Variants in GALNT18 observed in about 807,000 individuals in gnomAD.
GALNT18 encodes polypeptide N-acetylgalactosaminyltransferase 18.
Under a neutral mutation model 69.5 loss-of-function variants are expected in GALNT18, and 44 were observed. The ratio of observed to expected loss-of-function variants is 0.63; its 90% CI spans 0.50 to 0.81. The LOEUF is 0.81. GALNT18 is among the 40% of genes least tolerant of loss of function. GALNT18 has a pLI of 0.00. For missense variants in GALNT18, 715 were observed against 810.0 expected (o/e 0.88, Z 1.42); for synonymous variants, 364 against 318.2 (o/e 1.14, Z -1.53).
At chr11:11,491,677 T>C (rs1262445130) in intron 1 of GALNT18, among the ~76,000 whole-genome samples, 1 of 152,206 alleles carries the variant, frequency 6.6e-6, no homozygotes, top group East Asian at 1.9e-4. Context: ...CATTTAATCA[T>C]TCAACACAAT....
chr11:11,307,957 A>G (rs938211007), intron 9 of GALNT18, among the ~76,000 whole-genome samples: 4 of 152,238 alleles, frequency 2.6e-5, no homozygotes, highest in African/African-American at 7.2e-5. Context: ...TGAGCACAAA[A>G]GCTGGGGGCC....
intron 1 of GALNT18, among the ~76,000 whole-genome samples, chr11:11,479,121 C>A (rs1458473359): frequency 6.6e-6 from 1 of 152,210 alleles, no homozygotes; most frequent in Non-Finnish European, 1.5e-5. Flanking sequence ...GCCTTGACTG[C>A]CTCTGTTTGG....
At chr11:11,420,902 C>T (rs1404582722) in intron 3 of GALNT18, among the ~76,000 whole-genome samples, 1 of 152,106 alleles carries the variant, frequency 6.6e-6, no homozygotes, top group Non-Finnish European at 1.5e-5. Context: ...ACACAGCTGA[C>T]CAGGGGAAGA....
At chr11:11,285,496 G>A (rs531558482) in intron 10 of GALNT18, among the ~76,000 whole-genome samples, 7 of 152,214 alleles carry the variant, frequency 4.6e-5, no homozygotes, top group South Asian at 2.1e-4. Context: ...ACCTAGTCCC[G>A]GTCCCTGATA....
At chr11:11,419,596 C>CAAAAAAAAAAAAAAAAAA (rs58012512) in intron 3 of GALNT18, among the ~76,000 whole-genome samples, 1 of 26,618 alleles carries the variant, frequency 3.8e-5, no homozygotes, top group African/African-American at 9.9e-5. Flanking sequence ...GATCCTGTCT[C>CAAAAAAAAAAAAAAAAAA]AAAAAAAAAA....
chr11:11,361,014 G>T (rs1850633473), intron 6 of GALNT18, among the ~76,000 whole-genome samples: 1 of 152,190 alleles, frequency 6.6e-6, no homozygotes, highest in African/African-American at 2.4e-5. Context: ...TTCTGTTTAA[G>T]CTCATGACTT....
intron 9 of GALNT18, among the ~76,000 whole-genome samples, chr11:11,325,450 A>G (rs1046075818): frequency 4.6e-5 from 7 of 152,170 alleles, no homozygotes; most frequent in South Asian, 2.1e-4. Context: ...AATTTCAGCA[A>G]TCACCACTAA....
intron 9 of GALNT18, among the ~76,000 whole-genome samples, chr11:11,294,384 G>A (rs977346294): frequency 6.6e-6 from 1 of 152,164 alleles, no homozygotes; most frequent in African/African-American, 2.4e-5. Context: ...GAAGGAAAGT[G>A]GGTGGTAAAC....
intron 5 of GALNT18, among the ~76,000 whole-genome samples, chr11:11,373,156 G>A (rs1263618359): frequency 2.0e-5 from 3 of 150,224 alleles, no homozygotes; most frequent in African/African-American, 7.3e-5. Flanking sequence ...AAGCAGGACA[G>A]TGATGTCAGC....
At chr11:11,275,076 G>C (rs1339060531) in intron 10 of GALNT18, among the ~76,000 whole-genome samples, 2 of 152,176 alleles carry the variant, frequency 1.3e-5, no homozygotes, top group Non-Finnish European at 2.9e-5. Flanking sequence ...GGGACCGCTA[G>C]GTCAAATAGT....
At chr11:11,615,425 T>C (rs1860020641) in intron 1 of GALNT18, among the ~76,000 whole-genome samples, 1 of 152,228 alleles carries the variant, frequency 6.6e-6, no homozygotes, top group African/African-American at 2.4e-5. Flanking sequence ...ATTGTTGGGA[T>C]GATCTTGACT....
At position 11,604,978 on chromosome 11, in the gene GALNT18, A is replaced by T. The variant is rs944114678; in HGVS notation, c.235+16381T>A. 4.6e-5 allele frequency among the ~76,000 whole-genome samples: 7 copies of T among 152,202 alleles called. No individual in the cohort carries two copies. The highest frequency in any genetic ancestry group is 1.3e-4 in the Admixed American group (2 of 15,282). On this transcript the variant is annotated intron_variant, in intron 1 of 10. Transcript: ENST00000227756. The surrounding 1 kb of genome is among the most constrained non-coding windows in gnomAD (Gnocchi z 5.6). ...AAAAAGAATGGAATAGTCCTTTTTA[A>T]ATGACATTTTCAATTTTTCCCCTAT...
At position 11,601,129 on chromosome 11, in the gene GALNT18, C is replaced by A. The variant is rs993383584; in HGVS notation, c.235+20230G>T. On this transcript the variant is annotated intron_variant, in intron 1 of 10. Coordinates refer to ENST00000227756, the MANE Select transcript of GALNT18 (RefSeq NM_198516.3). This position sits in a 1 kb window ranked among gnomAD's most constrained non-coding sequence, Gnocchi z 4.0. ...TTTGCTGTCTTTTTCTGGTAAGTCT[C>A]ACATCCAGGTCCCCTGAAAGACAAT... Among the ~76,000 whole-genome samples the A allele has an allele frequency of 1.3e-5, 2 of 152,160 alleles. No individual in the cohort carries two copies. The highest frequency in any genetic ancestry group is 2.9e-5 in the Non-Finnish European group (2 of 68,018).
intron 1 of GALNT18, among the ~76,000 whole-genome samples, chr11:11,556,180 T>C (rs1368455368): frequency 6.6e-6 from 1 of 152,128 alleles, no homozygotes; most frequent in Admixed American, 6.5e-5. Flanking sequence ...TCCCACTACG[T>C]GAAGTTGGGA....
chr11:11,400,546 A>G (rs974528061), intron 3 of GALNT18, among the ~76,000 whole-genome samples: 3 of 152,202 alleles, frequency 2.0e-5, no homozygotes, highest in African/African-American at 7.2e-5. Context: ...TAAGAACAAC[A>G]GAAATTTATT....
intron 1 of GALNT18, among the ~76,000 whole-genome samples, chr11:11,515,058 C>T (rs529215166): frequency 3.3e-4 from 50 of 152,274 alleles, no homozygotes; most frequent in African/African-American, 1.1e-3. Context: ...ATCCAGAGCC[C>T]GCATTCAAGT....
chr11:11,303,624 A>G (rs1405595071), intron 9 of GALNT18, among the ~76,000 whole-genome samples: 1 of 151,848 alleles, frequency 6.6e-6, no homozygotes, highest in Non-Finnish European at 1.5e-5. Flanking sequence ...AGTGGGGCTC[A>G]TACACACCAG....
At position 11,480,224 on chromosome 11, in the gene GALNT18, C is replaced by A. The variant is rs1856495139; in HGVS notation, c.236-31288G>T. 6.6e-6 allele frequency among the ~76,000 whole-genome samples: 1 copy of A among 152,060 alleles called. No homozygotes were observed. On this transcript the variant is annotated intron_variant, in intron 1 of 10. Transcript: ENST00000227756. The surrounding 1 kb of genome is among the most constrained non-coding windows in gnomAD (Gnocchi z 4.6). ...AAACTAAAAGAAGGGGTCAATCTTT[C>A]TTTATTTCTTTCTTTCTTCCTTCCT...
At chr11:11,362,342 A>G (rs926440575) in intron 6 of GALNT18, among the ~76,000 whole-genome samples, 2 of 152,178 alleles carry the variant, frequency 1.3e-5, no homozygotes, top group African/African-American at 4.8e-5. Context: ...AAAAACACGA[A>G]AAAAGCAGCC....
Sources: allele counts gnomAD v4.1 joint callset (sites outside exome capture counted in the v4.1 genomes callset), GRCh38; gene constraint gnomAD v4.1.1; non-coding constraint Gnocchi (gnomAD v3.1); transcripts MANE v1.5; gene names NCBI Gene and HGNC (gene_info 2026-07-23, HGNC 2026-07-21).